ZNF722: variants seen among roughly 807,000 people sequenced by gnomAD.
ZNF722 encodes zinc finger protein 479 pseudogene.
chr7:63,999,049 C>A, the ZNF722 span: 65 of 1,556,990 alleles, frequency 4.2e-5, no homozygotes, highest in Non-Finnish European at 5.1e-5. Flanking sequence ...CGGTTGGAAC[C>A]GGCTGAAAGT....
chr7:64,005,556 G>A, the ZNF722 span: 1 of 758,640 alleles, frequency 1.3e-6, no homozygotes. Flanking sequence ...TCTGCCTATG[G>A]CCACATGGTA....
the ZNF722 span, chr7:64,015,305 T>C: frequency 7.8e-7 from 1 of 1,288,278 alleles, no homozygotes; most frequent in Non-Finnish European, 1.1e-6. Flanking sequence ...CAAGATATAC[T>C]GGAAAGAAAC....
At chr7:64,005,294 G>A in the ZNF722 span, among the ~76,000 whole-genome samples, 1 of 151,348 alleles carries the variant, frequency 6.6e-6, no homozygotes, top group Non-Finnish European at 1.5e-5. Context: ...AGTGAAACTC[G>A]GTCTCAAAAA....
the ZNF722 span, among the ~76,000 whole-genome samples, chr7:64,009,852 G>T: frequency 2.6e-5 from 4 of 152,134 alleles, no homozygotes; most frequent in Non-Finnish European, 5.9e-5. Context: ...GTAGAATTCG[G>T]CTGTGAATCC....
chr7:64,000,071 C>G, the ZNF722 span, among the ~76,000 whole-genome samples: 1 of 151,600 alleles, frequency 6.6e-6, no homozygotes, highest in African/African-American at 2.4e-5. Flanking sequence ...GCCTAATTAC[C>G]TACTGTTTAA....
chr7:64,005,115 A>G, the ZNF722 span, among the ~76,000 whole-genome samples: 1 of 152,164 alleles, frequency 6.6e-6, no homozygotes, highest in Non-Finnish European at 1.5e-5. Context: ...CCTGGCCAAC[A>G]TGGAGAAACC....
At chr7:64,009,202 T>C in the ZNF722 span, among the ~76,000 whole-genome samples, 1 of 152,204 alleles carries the variant, frequency 6.6e-6, no homozygotes, top group Non-Finnish European at 1.5e-5. Context: ...AGGGACAATT[T>C]GACTTCTTCT....
chr7:64,004,425 A>AAATATATATAT, the ZNF722 span, among the ~76,000 whole-genome samples: 228 of 61,064 alleles, frequency 3.7e-3, 2 homozygotes, highest in East Asian at 7.4e-3. Flanking sequence ...AAAAAAAAAA[A>AAATATATATAT]ATATATATAT....
chr7:64,007,250 A>ATATATATATATATATATATT, the ZNF722 span, among the ~76,000 whole-genome samples: 1 of 147,670 alleles, frequency 6.8e-6, no homozygotes, highest in African/African-American at 2.5e-5. Flanking sequence ...ATATATATAT[A>ATATATATATATATATATATT]TATATTTATA....
chr7:63,999,575 A>C, the ZNF722 span, among the ~76,000 whole-genome samples: 1 of 152,208 alleles, frequency 6.6e-6, no homozygotes. Flanking sequence ...ACAGTTATGT[A>C]GTTTCCTTAT....
the ZNF722 span, among the ~76,000 whole-genome samples, chr7:64,012,114 A>G: frequency 6.6e-6 from 1 of 152,082 alleles, no homozygotes; most frequent in East Asian, 1.9e-4. Flanking sequence ...CATGGTTTTC[A>G]GCTCCATCCG....
the ZNF722 span, among the ~76,000 whole-genome samples, chr7:63,999,884 C>T: frequency 6.6e-6 from 1 of 151,712 alleles, no homozygotes; most frequent in Non-Finnish European, 1.5e-5. Context: ...TTAGTAGAGA[C>T]GGGGTTTCAC....
the ZNF722 span, among the ~76,000 whole-genome samples, chr7:64,006,801 T>TG: frequency 1.4e-5 from 2 of 146,672 alleles, no homozygotes; most frequent in Non-Finnish European, 3.0e-5. Flanking sequence ...TTTTTACAAA[T>TG]TTTTTTCATT....
At chr7:64,012,252 G>C in the ZNF722 span, among the ~76,000 whole-genome samples, 1 of 152,074 alleles carries the variant, frequency 6.6e-6, no homozygotes, top group Non-Finnish European at 1.5e-5. Flanking sequence ...TGTTATTACT[G>C]ATCTTCTGAA....
the ZNF722 span, among the ~76,000 whole-genome samples, chr7:64,009,779 C>G: frequency 1.6e-4 from 25 of 152,152 alleles, no homozygotes; most frequent in African/African-American, 6.0e-4. Context: ...GGAGGATTCC[C>G]TCTTTTTCTA....
At chr7:64,004,425 AATATATATAT>A in the ZNF722 span, among the ~76,000 whole-genome samples, 7 of 61,112 alleles carry the variant, frequency 1.1e-4, no homozygotes, top group African/African-American at 4.0e-4. Flanking sequence ...AAAAAAAAAA[AATATATATAT>A]ATATATATAT....
the ZNF722 span, among the ~76,000 whole-genome samples, chr7:64,002,109 C>T: frequency 1.3e-5 from 2 of 152,094 alleles, no homozygotes; most frequent in East Asian, 1.9e-4. Context: ...TCTCAAACTC[C>T]TGACCTTGTG....
At chr7:64,006,010 G>T in the ZNF722 span, among the ~76,000 whole-genome samples, 1 of 152,150 alleles carries the variant, frequency 6.6e-6, no homozygotes, top group Non-Finnish European at 1.5e-5. Flanking sequence ...TTAGAATTCA[G>T]TTGCCACCAC....
chr7:64,006,483 C>A, the ZNF722 span, among the ~76,000 whole-genome samples: 1 of 152,252 alleles, frequency 6.6e-6, no homozygotes, highest in African/African-American at 2.4e-5. Context: ...ACACCTTCTG[C>A]CCCATGCTGT....
Sources: gnomAD v4.1 joint callset for allele counts (sites outside exome capture counted in the v4.1 genomes callset) on GRCh38, gnomAD v4.1.1 for gene constraint, MANE v1.5 for transcripts, NCBI Gene and HGNC (gene_info 2026-07-23, HGNC 2026-07-21) for gene names.